The following ALDH1L1 variants were observed in gnomAD, a reference collection of about 807,000 sequenced individuals.
ALDH1L1 encodes the protein cytosolic 10-formyltetrahydrofolate dehydrogenase.
Under a neutral mutation model 101.1 loss-of-function variants are expected in ALDH1L1, and 68 were observed. That is an observed-to-expected ratio of 0.67 (90% confidence interval 0.55 to 0.82). ALDH1L1 has a LOEUF of 0.82. ALDH1L1 is among the 40% of genes least tolerant of loss of function. ALDH1L1 has a pLI of 0.00. For missense variants in ALDH1L1, 1,087 were observed against 1,172.7 expected, an observed-to-expected ratio of 0.93 and a Z score of 1.07; for synonymous variants, 486 against 470.8, an observed-to-expected ratio of 1.03 and a Z score of -0.42.
intron 9 of ALDH1L1, among the ~76,000 whole-genome samples, chr3:126,139,216 G>T (rs1406083545): frequency 1.3e-5 from 2 of 152,138 alleles, no homozygotes; most frequent in African/African-American, 2.4e-5. Flanking sequence ...GCTTCTAGGA[G>T]ATTTTAAAAG....
At chr3:126,158,871 C>T (rs1218817403) in intron 2 of ALDH1L1, among the ~76,000 whole-genome samples, 2 of 152,186 alleles carry the variant, frequency 1.3e-5, no homozygotes, top group Non-Finnish European at 2.9e-5. Flanking sequence ...CCTCTGAGTG[C>T]CTCCCTCTTC....
At chr3:126,121,049 G>A (rs973045976) in intron 16 of ALDH1L1, among the ~76,000 whole-genome samples, 1 of 152,112 alleles carries the variant, frequency 6.6e-6, no homozygotes, top group Non-Finnish European at 1.5e-5. Context: ...CACTGGGGTG[G>A]GCCCTGATCC....
Position 126,158,613 on chromosome 3 carries a change from G to T in ALDH1L1, c.154C>A (p.Pro52Thr), listed in dbSNP as rs1292079279. The T allele has an allele frequency of 6.2e-7, 1 of 1,613,364 alleles. No homozygotes were observed. The highest frequency in any genetic ancestry group is 8.5e-7 in the Non-Finnish European group (1 of 1,179,340). Reference sequence around the variant, plus strand: ...CGCCACCGGGAGTACTTGAATACCGGCACTCCATCCTTCTCAGCTTCCAGA... The same window carrying T: ...CGCCACCGGGAGTACTTGAATACCGTCACTCCATCCTTCTCAGCTTCCAGA... ...LGLEAEKDGVPVFKYSRWRAK... is the reference protein window; with the variant it reads ...LGLEAEKDGVTVFKYSRWRAK... Residue 52 changes from proline to threonine, a missense_variant, in exon 3 of 23, where the codon CCG becomes ACG. This residue lies in a region of ALDH1L1 where 645 missense variants were observed against 637.0 expected (regional missense o/e 1.01). Transcript: ENST00000393434.
At chr3:126,156,635 C>T (rs965989700) in intron 4 of ALDH1L1, 1 of 152,344 alleles carries the variant, frequency 6.6e-6, no homozygotes, top group Non-Finnish European at 1.5e-5. Flanking sequence ...TAGCCTGCCA[C>T]CCTGCCTCTC....
chr3:126,124,333 C>T (rs780396854), intron 16 of ALDH1L1, 31 bp downstream of exon 16: 80 of 1,584,292 alleles, frequency 5.0e-5, no homozygotes, highest in Non-Finnish European at 6.5e-5. Flanking sequence ...CTGCCAGAAG[C>T]CCTAGCCCTG....
intron 1 of ALDH1L1, among the ~76,000 whole-genome samples, chr3:126,168,411 A>G (rs2081209521): frequency 6.6e-6 from 1 of 152,134 alleles, no homozygotes; most frequent in Non-Finnish European, 1.5e-5. Flanking sequence ...TAAAGTTAAC[A>G]TTAATAGCAA....
At chr3:126,107,782 G>A (rs1945934472) in intron 20 of ALDH1L1, 2 of 156,168 alleles carry the variant, frequency 1.3e-5, no homozygotes, top group Admixed American at 1.2e-4. Context: ...CAGTCAAGAA[G>A]GGACCACCTA....
At chr3:126,155,369 C>T (rs1202339704) in intron 5 of ALDH1L1, 33 bp downstream of exon 5, 4 of 1,589,486 alleles carry the variant, frequency 2.5e-6, no homozygotes, top group Non-Finnish European at 3.4e-6. Context: ...TGCTCACAGG[C>T]AGGATGAGGG....
rs984277476 is a variant in ALDH1L1, at chr3:126,140,969, T to C, written c.1077-3009A>G. ...TGTAAATGGATTAAACTCTCCTGTTTAATCTATTTAAAGTTTAAACATGAG... is the reference window on the plus strand; with the variant it reads ...TGTAAATGGATTAAACTCTCCTGTTCAATCTATTTAAAGTTTAAACATGAG... On this transcript the variant is annotated intron_variant, in intron 9 of 22. Transcript: ENST00000393434. 2.4e-4 allele frequency among the ~76,000 whole-genome samples: 37 copies of C among 152,026 alleles called. 1 individual carries two copies. The highest frequency in any genetic ancestry group is 6.5e-5 in the Admixed American group (1 of 15,268).
intron 1 of ALDH1L1, among the ~76,000 whole-genome samples, chr3:126,191,804 A>G (rs1382702666): frequency 6.6e-6 from 1 of 152,164 alleles, no homozygotes; most frequent in African/African-American, 2.4e-5. Flanking sequence ...TTTATGTGCA[A>G]GTTGCTGTAA....
In ALDH1L1 at chr3:126,154,648, G is replaced by C; in HGVS notation, c.631-5C>G. The C allele has an allele frequency of 6.2e-7, 1 of 1,613,918 alleles. No homozygotes were observed. The highest frequency in any genetic ancestry group is 8.5e-7 in the Non-Finnish European group (1 of 1,179,918). On this transcript the variant is annotated splice_region_variant and splice_polypyrimidine_tract_variant and intron_variant, in intron 5 of 22. Coordinates refer to ENST00000393434, the MANE Select transcript of ALDH1L1 (RefSeq NM_012190.4). ...TGCCGGCTGGTCCCAGTTGATCTGT[G>C]GGGAGCAAGGTGTGTGTGCTCAGCT...
chr3:126,119,243 G>A (rs2080034044), intron 16 of ALDH1L1, among the ~76,000 whole-genome samples: 1 of 152,168 alleles, frequency 6.6e-6, no homozygotes, highest in Non-Finnish European at 1.5e-5. Flanking sequence ...GGCCTCTCCA[G>A]CCAAACTCCT....
Position 126,103,831 on chromosome 3 carries a change from T to C in ALDH1L1, c.2669A>G (p.Asn890Ser), listed in dbSNP as rs376879309. 3 of 1,613,458 alleles carry C rather than the reference T, an allele frequency of 1.9e-6. No homozygotes were observed. Among genetic ancestry groups the C allele is most frequent in the African/African-American group, 2.7e-5 (2 of 74,912 alleles). The change falls in exon 23 of 23, where the codon AAC becomes AGC. Residue 890 changes from asparagine (N) to serine (S), a missense_variant. Coordinates refer to ENST00000393434, the MANE Select transcript of ALDH1L1 (RefSeq NM_012190.4). The stretch of plus-strand genomic sequence containing the variant: ...CACTGTCTTGACCCGCAGGTACTCG[T>C]TCAGAGCCGCCTCTCCTGTAAGACA... The part of the protein sequence containing the change: ...FGKDLGEAAL[N>S]EYLRVKTVTF...
At chr3:126,163,571 T>C (rs2081105857) in intron 1 of ALDH1L1, among the ~76,000 whole-genome samples, 2 of 152,232 alleles carry the variant, frequency 1.3e-5, no homozygotes, top group Admixed American at 1.3e-4. Context: ...GGAATTTTGG[T>C]AGATAGACTA....
chr3:126,135,467 G>T, intron 12 of ALDH1L1, 68 bp downstream of exon 12: 5 of 1,533,192 alleles, frequency 3.3e-6, no homozygotes, highest in Non-Finnish European at 4.4e-6. Flanking sequence ...CTCCACAGAA[G>T]TCCCCCCCGT....
At chr3:126,156,473 AG>A (rs1280029151) in intron 4 of ALDH1L1, 1 of 152,346 alleles carries the variant, frequency 6.6e-6, no homozygotes, top group Non-Finnish European at 1.5e-5. Context: ...GCGCCCAAAC[AG>A]CAAGGGCTCC....
chr3:126,157,561 T>A lies in ALDH1L1; in HGVS notation c.363-53A>T, dbSNP rs2080940009. The stretch of plus-strand genomic sequence containing the variant: ...GTCCACGATGAAGGGCCACGGAGGA[T>A]GTCCTGGGTACAGGCCCGTGGACCT... On this transcript the variant is annotated intron_variant, in intron 3 of 22. Transcript: ENST00000393434. The A allele has an allele frequency of 3.1e-6, 5 of 1,588,108 alleles. No homozygotes were observed. In the South Asian group the frequency reaches 4.6e-5, roughly 15 times the overall value.
chr3:126,106,293 T>C (rs1945867796), intron 21 of ALDH1L1, among the ~76,000 whole-genome samples: 2 of 152,322 alleles, frequency 1.3e-5, no homozygotes, highest in South Asian at 4.1e-4. Flanking sequence ...TACAACCATA[T>C]TTATTGGCTA....
rs372308104 is a variant in ALDH1L1, at chr3:126,155,521, G to T, written c.529-18C>A. On this transcript the variant is annotated intron_variant, in intron 4 of 22. Coordinates refer to ENST00000393434, the MANE Select transcript of ALDH1L1 (RefSeq NM_012190.4). Reference sequence around the variant, plus strand: ...GCCTGCACCTGGGGAGATCCAGTGGGTTGCTATCCCCAGCAATAGGACCCT... The same window carrying T: ...GCCTGCACCTGGGGAGATCCAGTGGTTTGCTATCCCCAGCAATAGGACCCT... 3.1e-6 allele frequency: 5 copies of T among 1,600,360 alleles called. No homozygotes were observed. In the African/African-American group the frequency reaches 5.4e-5, roughly 17 times the overall value.
Sources: allele counts gnomAD v4.1 joint callset (sites outside exome capture counted in the v4.1 genomes callset), GRCh38; gene constraint gnomAD v4.1.1; regional missense constraint gnomAD v4.1.1; transcripts MANE v1.5; gene names NCBI Gene and HGNC (gene_info 2026-07-23, HGNC 2026-07-21).